The following NCOA7 variants were observed in gnomAD, a reference collection of about 807,000 sequenced individuals.
The protein encoded by NCOA7 is nuclear receptor coactivator 7.
A neutral mutation model predicts 104.3 loss-of-function variants in NCOA7; 45 were observed. The observed-to-expected ratio is 0.43, with a 90% CI of 0.34 to 0.55. NCOA7 has a LOEUF of 0.55. NCOA7 is among the 20% of genes least tolerant of loss of function. The pLI is 0.02. For missense variants in NCOA7, 1,041 were observed against 1,119.7 expected, an observed-to-expected ratio of 0.93 and a Z score of 1.00; for synonymous variants, 398 against 402.3, an observed-to-expected ratio of 0.99 and a Z score of 0.13.
chr6:125,853,114 T>G (rs200401188), intron 2 of NCOA7, among the ~76,000 whole-genome samples: 91 of 152,334 alleles, frequency 6.0e-4, no homozygotes, highest in East Asian at 1.9e-3. Flanking sequence ...CAGCAGTGTT[T>G]TGTAAGTTTC....
At chr6:125,912,590 G>T (rs1786678830) in intron 10 of NCOA7, among the ~76,000 whole-genome samples, 1 of 152,210 alleles carries the variant, frequency 6.6e-6, no homozygotes, top group African/African-American at 2.4e-5. Context: ...CAGGTGGTGA[G>T]AATGTGGAGG....
chr6:125,928,211 A>G lies in NCOA7; in HGVS notation c.2657A>G (p.Asn886Ser). Residue 886 changes from asparagine (N) to serine (S), a missense_variant, in exon 15 of 16, where the codon AAT becomes AGT. Coordinates refer to ENST00000392477, the MANE Select transcript of NCOA7 (RefSeq NM_181782.5). ...AGTGGAGAAAATTCATACTTTATCA[A>G]TGGAGACATAAGTTCTTTAGAACTT... Reference protein sequence around the residue: ...KWSGENSYFINGDISSLELGG... With the variant: ...KWSGENSYFISGDISSLELGG... 1 of 1,612,824 alleles carries G rather than the reference A, an allele frequency of 6.2e-7. No individual in the cohort carries two copies. The highest frequency in any genetic ancestry group is 8.5e-7 in the Non-Finnish European group (1 of 1,179,790).
chr6:125,880,263 CAG>C (rs1783710490), intron 5 of NCOA7, among the ~76,000 whole-genome samples: 1 of 152,076 alleles, frequency 6.6e-6, no homozygotes, highest in Admixed American at 6.6e-5. Context: ...CTTTAGAACT[CAG>C]AGCCTGCTTG....
chr6:125,889,708 G>A lies in NCOA7; in HGVS notation c.1654G>A (p.Glu552Lys). The stretch of plus-strand genomic sequence containing the variant: ...AGAATTAAGTGATGGAAAAAGTATT[G>A]AACCAGGGGGAATAGACATTACCCT... ...KTELSDGKSI[E>K]PGGIDITLSS... Residue 552 changes from glutamate (E) to lysine (K), a missense_variant, in exon 9 of 16, where the codon GAA becomes AAA. Glu to Lys is a moderately conservative substitution (Grantham distance 56). Transcript: ENST00000392477. 6.2e-7 allele frequency: 1 copy of A among 1,614,022 alleles called. No individual in the cohort carries two copies. The highest frequency in any genetic ancestry group is 8.5e-7 in the Non-Finnish European group (1 of 1,179,980).
chr6:125,839,075 A>AGGT (rs1361920223), intron 2 of NCOA7, among the ~76,000 whole-genome samples: 2 of 152,052 alleles, frequency 1.3e-5, no homozygotes, highest in East Asian at 3.9e-4. Flanking sequence ...TTCATTACCT[A>AGGT]TGCATGATTG....
rs1339553088 is a variant in NCOA7, at chr6:125,928,617, T to C, written c.2694-19T>C. 6.3e-7 allele frequency: 1 copy of C among 1,585,846 alleles called. No individual in the cohort carries two copies. The highest frequency in any genetic ancestry group is 1.4e-5 in the African/African-American group (1 of 72,672). ...CATAGAAGTGTTTTTACCTTTTTTT[T>C]TTTTTTTAACCTTTTCAGGGGACGA... On this transcript the variant is annotated intron_variant, in intron 15 of 15. Transcript: ENST00000392477.
At chr6:125,782,850 G>A (rs533425651) in intron 1 of NCOA7, among the ~76,000 whole-genome samples, 4 of 152,236 alleles carry the variant, frequency 2.6e-5, no homozygotes, top group Admixed American at 2.0e-4. Context: ...CACCTTACAT[G>A]GCAAAAGGAA....
chr6:125,868,021 T>G (rs1016116767), intron 3 of NCOA7, among the ~76,000 whole-genome samples: 2 of 152,220 alleles, frequency 1.3e-5, no homozygotes, highest in Non-Finnish European at 2.9e-5. Flanking sequence ...GTATATACTC[T>G]TTAGCGTTGC....
At chr6:125,858,957 T>G (rs1781825410) in intron 3 of NCOA7, among the ~76,000 whole-genome samples, 1 of 152,176 alleles carries the variant, frequency 6.6e-6, no homozygotes, top group South Asian at 2.1e-4. Context: ...GTGGCTCTAG[T>G]CTGGGAGGGA....
chr6:125,813,455 T>C (rs2128568983), intron 1 of NCOA7, among the ~76,000 whole-genome samples: 1 of 151,914 alleles, frequency 6.6e-6, no homozygotes, highest in Admixed American at 6.6e-5. Context: ...TGCAATTTTT[T>C]TTTTTTTTTT....
intron 1 of NCOA7, among the ~76,000 whole-genome samples, chr6:125,793,827 G>T (rs184801449): frequency 6.6e-6 from 1 of 152,174 alleles, no homozygotes; most frequent in Admixed American, 6.5e-5. Context: ...TTCAGATATA[G>T]TGAATACATA....
intron 3 of NCOA7, among the ~76,000 whole-genome samples, chr6:125,856,938 C>T (rs1166457909): frequency 2.0e-5 from 3 of 152,196 alleles, no homozygotes; most frequent in Non-Finnish European, 2.9e-5. Context: ...AATGGACTGC[C>T]CTTGAGGTAG....
At chr6:125,920,310 G>T (rs1787460730) in intron 11 of NCOA7, among the ~76,000 whole-genome samples, 1 of 152,146 alleles carries the variant, frequency 6.6e-6, no homozygotes, top group Admixed American at 6.5e-5. Flanking sequence ...TGGTTTCTAT[G>T]TGCACAACCT....
intron 10 of NCOA7, among the ~76,000 whole-genome samples, chr6:125,910,035 C>T (rs145655485): frequency 2.6e-4 from 40 of 152,168 alleles, no homozygotes; most frequent in African/African-American, 9.2e-4. Context: ...ATTAGGGAGA[C>T]GTTTGGTCAT....
intron 9 of NCOA7, 79 bp from the exon 10 acceptor site, chr6:125,890,563 C>A (rs1343750226): frequency 1.1e-5 from 15 of 1,374,706 alleles, no homozygotes; most frequent in Non-Finnish European, 1.5e-5. Context: ...GGATTGTGCA[C>A]TATTTTTTTT....
At chr6:125,861,597 A>G (rs1782054840) in intron 3 of NCOA7, among the ~76,000 whole-genome samples, 1 of 152,172 alleles carries the variant, frequency 6.6e-6, no homozygotes. Flanking sequence ...AAATAAATGG[A>G]AATTATTTGG....
chr6:125,796,933 G>A (rs1775395137), intron 1 of NCOA7: 1 of 152,282 alleles, frequency 6.6e-6, no homozygotes, highest in Non-Finnish European at 1.5e-5. Flanking sequence ...CAGAACCCAT[G>A]GATATGGAGG....
intron 2 of NCOA7, among the ~76,000 whole-genome samples, chr6:125,820,566 T>TCCTCTTGGTCAAATACAG (rs1778082329): frequency 6.6e-6 from 1 of 152,194 alleles, no homozygotes; most frequent in African/African-American, 2.4e-5. Flanking sequence ...GTACACTTTG[T>TCCTCTTGGTCAAATACAG]AGCTTTCGTG....
chr6:125,915,526 G>A, intron 11 of NCOA7, 46 bp downstream of exon 11: 2 of 1,608,864 alleles, frequency 1.2e-6, no homozygotes, highest in Non-Finnish European at 1.7e-6. Flanking sequence ...CTAAGGTACA[G>A]TAAGCAGTCT....
Sources: gnomAD v4.1 joint callset for allele counts (sites outside exome capture counted in the v4.1 genomes callset) on GRCh38, gnomAD v4.1.1 for gene constraint, MANE v1.5 for transcripts, NCBI Gene and HGNC (gene_info 2026-07-23, HGNC 2026-07-21) for gene names.